The following VPS13A variants were observed in gnomAD, a reference collection of about 807,000 sequenced individuals.
VPS13A encodes the protein vacuolar protein sorting 13 homolog A, also known as intermembrane lipid transfer protein VPS13A.
VPS13A carries 264 observed loss-of-function variants against 390.9 expected under a neutral mutation model. That is an observed-to-expected ratio of 0.68 (90% CI 0.61 to 0.75). The LOEUF (loss-of-function observed/expected upper bound fraction) is 0.75. Among genes scored for constraint, VPS13A ranks in the 30% least tolerant of loss-of-function variants. The pLI, the probability that VPS13A is intolerant of heterozygous loss-of-function variation, is 0.00. For synonymous variants in VPS13A, 1,231 were observed against 1,227.1 expected (o/e 1.00, Z -0.07); for missense variants, 3,409 against 3,733.9 (o/e 0.91, Z 2.27).
chr9:77,358,706 G>A (rs1030208611), intron 57 of VPS13A, among the ~76,000 whole-genome samples: 10 of 152,116 alleles, frequency 6.6e-5, no homozygotes, highest in Admixed American at 5.2e-4. Flanking sequence ...GTAAACCTGC[G>A]ATTTAAAAAC....
intron 34 of VPS13A, among the ~76,000 whole-genome samples, chr9:77,306,818 T>C (rs142460527): frequency 6.6e-6 from 1 of 152,146 alleles, no homozygotes; most frequent in Non-Finnish European, 1.5e-5. Context: ...CAAAGTGACA[T>C]ACAAAATTAA....
At chr9:77,337,945 G>A (rs1008825551) in intron 47 of VPS13A, 2 of 156,420 alleles carry the variant, frequency 1.3e-5, no homozygotes, top group African/African-American at 4.8e-5. Context: ...TCTATTATAG[G>A]TTTATTTTAC....
chr9:77,357,046 G>A (rs1039731476), intron 55 of VPS13A, among the ~76,000 whole-genome samples, 179 bp downstream of exon 55: 7 of 151,840 alleles, frequency 4.6e-5, no homozygotes, highest in East Asian at 3.9e-4. Flanking sequence ...CAGGCTGGGC[G>A]CAGTGGTTCA....
rs1835324717 is a variant in VPS13A, at chr9:77,421,075, G to A, written c.*5069G>A. ...TTACATATAAAAATGAATTTTTCAG[G>A]AAAAGTGCACTTTAAAAATACTTTC... On this transcript the variant is annotated 3_prime_UTR_variant, in exon 72 of 72. Transcript: ENST00000360280. The A allele has an allele frequency of 6.6e-6, 1 of 152,128 alleles. No homozygotes were observed. Among genetic ancestry groups the A allele is most frequent in the Non-Finnish European group, 1.5e-5 (1 of 68,014 alleles). 9.4% of individuals were successfully genotyped at this position (152,128 alleles called of 1,614,324 possible).
At chr9:77,204,717 C>A (rs1470424699) in intron 3 of VPS13A, among the ~76,000 whole-genome samples, 1 of 152,124 alleles carries the variant, frequency 6.6e-6, no homozygotes, top group Non-Finnish European at 1.5e-5. Context: ...GTCCTGACCT[C>A]CTGGGCTCAA....
intron 39 of VPS13A, among the ~76,000 whole-genome samples, chr9:77,317,018 T>C (rs1174495000): frequency 6.6e-6 from 1 of 152,058 alleles, no homozygotes; most frequent in Non-Finnish European, 1.5e-5. Flanking sequence ...GAAGGAGTAA[T>C]AGAAGCATAA....
Position 77,351,560 on chromosome 9 carries a change from C to G in VPS13A, c.7419+114C>G, listed in dbSNP as rs373276530. 2.4e-3 allele frequency: 3,183 copies of G among 1,344,460 alleles called. 71 individuals carry two copies. The South Asian group carries it at 0.035, about 15-fold the overall frequency. The allele number at this position is 1,344,460 out of a possible 1,614,324, so 83.3% of individuals were successfully genotyped here. On this transcript the variant is annotated intron_variant, in intron 53 of 71. Coordinates refer to ENST00000360280, the MANE Select transcript of VPS13A (RefSeq NM_033305.3). ...GCACTTTTGGGAGGCTGAGGTGGGC[C>G]ATGAGTTGGAGATCAGCCTGGCCAA...
intron 34 of VPS13A, 109 bp from the exon 35 acceptor site, chr9:77,307,836 T>C: frequency 1.2e-6 from 1 of 861,908 alleles, no homozygotes; most frequent in Non-Finnish European, 1.8e-6. Context: ...ATTGGTGTGG[T>C]AGAGGATTGA....
At chr9:77,234,587 G>A (rs545142347) in intron 17 of VPS13A, among the ~76,000 whole-genome samples, 1 of 152,042 alleles carries the variant, frequency 6.6e-6, no homozygotes, top group African/African-American at 2.4e-5. Flanking sequence ...CATCTGTATT[G>A]TTGTATCATG....
At chr9:77,278,184 C>T (rs1364312548) in intron 26 of VPS13A, among the ~76,000 whole-genome samples, 1 of 151,726 alleles carries the variant, frequency 6.6e-6, no homozygotes, top group Non-Finnish European at 1.5e-5. Flanking sequence ...CATTCTCCTG[C>T]CTCAGCCTCC....
At chr9:77,263,163 GTGGTGCGATCT>G (rs1587447456) in intron 23 of VPS13A, among the ~76,000 whole-genome samples, 1 of 149,642 alleles carries the variant, frequency 6.7e-6, no homozygotes, top group South Asian at 2.1e-4. Flanking sequence ...CTGGAGTGCA[GTGGTGCGATCT>G]TGGCTCACTG....
At chr9:77,284,676 G>T (rs1022250381) in intron 31 of VPS13A, among the ~76,000 whole-genome samples, 2 of 151,902 alleles carry the variant, frequency 1.3e-5, no homozygotes, top group Non-Finnish European at 2.9e-5. Context: ...CCAACCCATT[G>T]ATTTTTTTCT....
chr9:77,207,210 A>AT, intron 5 of VPS13A, among the ~76,000 whole-genome samples: 1 of 34,798 alleles, frequency 2.9e-5, no homozygotes, highest in Non-Finnish European at 7.0e-5. Context: ...ATTTATTTAG[A>AT]TATTATATAT....
chr9:77,204,641 G>A (rs540604934), intron 3 of VPS13A, among the ~76,000 whole-genome samples: 50 of 151,988 alleles, frequency 3.3e-4, no homozygotes, highest in African/African-American at 1.1e-3. Flanking sequence ...CTTTCATTGC[G>A]GGGAGGTAAA....
At chr9:77,325,755 A>G (rs1233450280) in intron 45 of VPS13A, among the ~76,000 whole-genome samples, 2 of 152,090 alleles carry the variant, frequency 1.3e-5, no homozygotes, top group African/African-American at 4.8e-5. Context: ...CAGAATCAAA[A>G]CTTTAGACCA....
At chr9:77,276,279 A>G (rs993588916) in intron 26 of VPS13A, 58 bp downstream of exon 26, 7 of 1,434,252 alleles carry the variant, frequency 4.9e-6, no homozygotes, top group Non-Finnish European at 4.7e-6. Context: ...ACTACCTGCT[A>G]GAGAGTTTTC....
At chr9:77,398,356 C>T (rs919836249) in intron 68 of VPS13A, among the ~76,000 whole-genome samples, 1 of 152,142 alleles carries the variant, frequency 6.6e-6, no homozygotes, top group Non-Finnish European at 1.5e-5. Context: ...AGTTTTGCAA[C>T]TAACCCCAAG....
At chr9:77,228,358 C>G in intron 17 of VPS13A, 94 bp downstream of exon 17, 1 of 1,231,662 alleles carries the variant, frequency 8.1e-7, no homozygotes, top group Non-Finnish European at 1.1e-6. Flanking sequence ...GTAAAGAGCA[C>G]TATAGTTTCA....
chr9:77,229,972 G>A (rs1376234543), intron 17 of VPS13A, among the ~76,000 whole-genome samples: 2 of 152,160 alleles, frequency 1.3e-5, no homozygotes, highest in Non-Finnish European at 2.9e-5. Context: ...TAGTGAGTAT[G>A]AAATGGTATC....
Sources: allele counts gnomAD v4.1 joint callset (sites outside exome capture counted in the v4.1 genomes callset), GRCh38; gene constraint gnomAD v4.1.1; transcripts MANE v1.5; gene names NCBI Gene and HGNC (gene_info 2026-07-23, HGNC 2026-07-21).